Variants in CNDP1 observed in about 807,000 individuals in gnomAD.
CNDP1 encodes the protein beta-Ala-His dipeptidase.
Under a neutral mutation model 58.1 loss-of-function variants are expected in CNDP1, and 44 were observed. The observed-to-expected ratio is 0.76, with a 90% CI of 0.60 to 0.97. CNDP1 has a LOEUF of 0.97. Among genes scored for constraint, CNDP1 ranks in the 50% least tolerant of loss-of-function variants. The pLI, the probability that CNDP1 is intolerant of heterozygous loss-of-function variation, is 0.00. For missense variants in CNDP1, 616 were observed against 655.1 expected (o/e 0.94, Z 0.65); for synonymous variants, 254 against 252.6 (o/e 1.01, Z -0.05).
rs528977029 is a variant in CNDP1, at chr18:74,534,689, A to G, written c.22A>G (p.Met8Val). ...CCTAATGGATCCCAAACTCGGGAGA[A>G]TGGTGAGTAGGACCTCCTCCATCAG... is the stretch of plus-strand genomic sequence containing the variant. Reference protein sequence around the residue: MDPKLGRMAASLLAVLLL... With the variant: MDPKLGRVAASLLAVLLL... The change falls in exon 1 of 12, where the codon ATG (methionine) becomes GTG (valine). Residue 8 changes from methionine (M) to valine (V), a missense_variant and splice_region_variant. Met to Val is a conservative substitution (Grantham distance 21, BLOSUM62 1). Transcript: ENST00000358821. The G allele has an allele frequency of 6.2e-7, 1 of 1,614,088 alleles. No homozygotes were observed. The highest frequency in any genetic ancestry group is 8.5e-7 in the Non-Finnish European group (1 of 1,179,984).
intron 1 of CNDP1, among the ~76,000 whole-genome samples, chr18:74,535,004 T>TAA (rs149511620): frequency 6.6e-6 from 1 of 152,038 alleles, no homozygotes; most frequent in Non-Finnish European, 1.5e-5. Context: ...TTTTTCTCTT[T>TAA]AAAAAAAATG....
At chr18:74,569,261 A>G (rs1329465536) in intron 6 of CNDP1, among the ~76,000 whole-genome samples, 7 of 152,210 alleles carry the variant, frequency 4.6e-5, no homozygotes, top group Non-Finnish European at 1.0e-4. Flanking sequence ...CTCTGGTGCC[A>G]CATTGAAGAT....
chr18:74,580,470 A>G (rs1300729805), intron 10 of CNDP1, among the ~76,000 whole-genome samples, 199 bp downstream of exon 10: 8 of 152,206 alleles, frequency 5.3e-5, no homozygotes, highest in African/African-American at 1.9e-4. Context: ...GGCCTTCCCC[A>G]TCTAACAGAG....
At chr18:74,576,139 A>G (rs920408704) in intron 7 of CNDP1, 9 of 151,600 alleles carry the variant, frequency 5.9e-5, no homozygotes, top group African/African-American at 2.2e-4. Flanking sequence ...AACTGCTGGG[A>G]TTTCAGGCAT....
At chr18:74,549,815 C>A (rs1257787853) in intron 1 of CNDP1, among the ~76,000 whole-genome samples, 1 of 152,206 alleles carries the variant, frequency 6.6e-6, no homozygotes, top group African/African-American at 2.4e-5. Flanking sequence ...GACAGCACTG[C>A]TCTGTACAGC....
chr18:74,576,854 G>C lies in CNDP1; in HGVS notation c.842-15G>C, dbSNP rs760995916. 1 of 1,599,274 alleles carries C rather than the reference G, an allele frequency of 6.3e-7. No individual in the cohort carries two copies. Among genetic ancestry groups the C allele is most frequent in the South Asian group, 1.1e-5 (1 of 87,584 alleles). ...TCCTTTCTACCTGGCTTTGTTTTCT[G>C]TGTGTGTTTTGTAGGTAGCCTGGTA... On this transcript the variant is annotated splice_polypyrimidine_tract_variant and intron_variant, in intron 7 of 11. Transcript: ENST00000358821.
chr18:74,580,431 T>C (rs1247311717), intron 10 of CNDP1, among the ~76,000 whole-genome samples, 160 bp downstream of exon 10: 1 of 152,268 alleles, frequency 6.6e-6, no homozygotes, highest in African/African-American at 2.4e-5. Flanking sequence ...GGGCACGCTA[T>C]ACACGCCATC....
chr18:74,549,379 G>A (rs535283787), intron 1 of CNDP1, among the ~76,000 whole-genome samples: 1 of 152,162 alleles, frequency 6.6e-6, no homozygotes, highest in East Asian at 1.9e-4. Flanking sequence ...TCTGATGTTA[G>A]TTCTGTTTAG....
rs377140845 is a variant in CNDP1 at position 74,544,082 on chromosome 18, T to A, written c.24+9391T>A. On this transcript the variant is annotated intron_variant, in intron 1 of 11. Transcript: ENST00000358821. ...GCCTGGGCAACATAGCAAGACCCTG[T>A]CTCTACAAAAAGCTTAAAAAATAAG... Among the ~76,000 whole-genome samples the A allele has an allele frequency of 7.2e-4, 110 of 152,194 alleles. No individual in the cohort carries two copies. In the South Asian group the frequency reaches 0.018, roughly 25 times the overall value.
At chr18:74,582,200 G>C (rs774338981) in intron 10 of CNDP1, among the ~76,000 whole-genome samples, 2 of 152,224 alleles carry the variant, frequency 1.3e-5, no homozygotes, top group Non-Finnish European at 2.9e-5. Flanking sequence ...GAATGCATAA[G>C]ACACCTTTCG....
At chr18:74,538,181 CCCT>C (rs1295929773) in intron 1 of CNDP1, among the ~76,000 whole-genome samples, 3 of 152,194 alleles carry the variant, frequency 2.0e-5, no homozygotes, top group African/African-American at 7.2e-5. Flanking sequence ...TTAGCTATGA[CCCT>C]CCTATTCGCC....
intron 5 of CNDP1, among the ~76,000 whole-genome samples, chr18:74,564,351 GGAAGAA>G (rs1423704174): frequency 1.3e-5 from 2 of 152,184 alleles, no homozygotes; most frequent in African/African-American, 4.8e-5. Context: ...ACCAAATGGG[GGAAGAA>G]GCATGTTGTA....
Position 74,568,689 on chromosome 18 carries a change from G to C in CNDP1, c.756+1256G>C, listed in dbSNP as rs59653331. Among the ~76,000 whole-genome samples the C allele has an allele frequency of 5.3e-3, 812 of 152,210 alleles. 9 individuals are homozygous for C. The highest frequency in any genetic ancestry group is 0.018 in the African/African-American group (748 of 41,496). ...GTCCTAGAGCTTTTTCCCTCTTAGC[G>C]TCCATTTTTTTCTGTTTAGTAGGAA... On this transcript the variant is annotated intron_variant, in intron 6 of 11. Transcript: ENST00000358821.
intron 1 of CNDP1, among the ~76,000 whole-genome samples, chr18:74,548,811 G>A (rs1278917128): frequency 6.6e-6 from 1 of 152,188 alleles, no homozygotes; most frequent in Non-Finnish European, 1.5e-5. Context: ...AAAACTGATT[G>A]GGAACTGGAG....
chr18:74,563,181 T>G (rs1002195066), intron 5 of CNDP1, among the ~76,000 whole-genome samples: 2 of 152,150 alleles, frequency 1.3e-5, no homozygotes, highest in African/African-American at 4.8e-5. Context: ...GGAGGGGAGT[T>G]AAGTACTCTG....
intron 1 of CNDP1, among the ~76,000 whole-genome samples, chr18:74,546,595 T>C (rs1274295988): frequency 6.6e-6 from 1 of 152,132 alleles, no homozygotes; most frequent in Non-Finnish European, 1.5e-5. Context: ...TGTCCCTGCT[T>C]CAGAGCCTGT....
In CNDP1 at chr18:74,576,962, C is replaced by T; in HGVS notation, c.935C>T (p.Ala312Val). ...GAAGAGGAAATAAATACATACAAAG[C>T]CATCCATCTAGACCTAGAAGAATAC... The part of the protein sequence containing the change: ...LTEEEINTYK[A>V]IHLDLEEYRN... Residue 312 changes from alanine to valine, a missense_variant, in exon 8 of 12, where the codon GCC (alanine) becomes GTC (valine). Transcript: ENST00000358821. The T allele has an allele frequency of 6.2e-7, 1 of 1,613,738 alleles. No individual in the cohort carries two copies. Among genetic ancestry groups the T allele is most frequent in the East Asian group, 2.2e-5 (1 of 44,886 alleles).
chr18:74,575,058 AAAG>A (rs1040220667), intron 7 of CNDP1, among the ~76,000 whole-genome samples: 6 of 139,560 alleles, frequency 4.3e-5, no homozygotes, highest in Non-Finnish European at 7.9e-5. Context: ...GAGAGAAAGG[AAAG>A]AAGAAAGAAG....
chr18:74,584,653 T>C lies in CNDP1; in HGVS notation c.*91T>C. The C allele has an allele frequency of 1.9e-6, 2 of 1,039,076 alleles. No homozygotes were observed. Among genetic ancestry groups the C allele is most frequent in the Non-Finnish European group, 3.0e-6 (2 of 659,534 alleles). 64.4% of individuals were successfully genotyped at this position (1,039,076 alleles called of 1,614,324 possible). A position where few individuals can be genotyped will look rare whatever the true frequency, so the allele number is the denominator to read the frequency against. On this transcript the variant is annotated 3_prime_UTR_variant, in exon 12 of 12. Transcript: ENST00000358821. ...GGATGGAATGTAAATATCCAGAGAA[T>C]TTGGGTCTAGTATAGTACATTTTCC...
Sources: allele counts gnomAD v4.1 joint callset (sites outside exome capture counted in the v4.1 genomes callset), GRCh38; gene constraint gnomAD v4.1.1; transcripts MANE v1.5; gene names NCBI Gene and HGNC (gene_info 2026-07-23, HGNC 2026-07-21).